The following CERKL variants were observed in gnomAD, a reference collection of about 807,000 sequenced individuals.
CERKL encodes CERK like autophagy regulator, also known as ceramide kinase-like protein.
A neutral mutation model predicts 63.4 loss-of-function variants in CERKL; 61 were observed. That is an observed-to-expected ratio of 0.96 (90% confidence interval 0.78 to 1.19). The LOEUF (loss-of-function observed/expected upper bound fraction) is 1.19, where lower values mean the gene tolerates loss of function less well. Ranked by LOEUF, CERKL falls within the 50% of genes most tolerant of loss-of-function variation. The pLI, the probability that CERKL is intolerant of heterozygous loss-of-function variation, is 0.00. For missense variants in CERKL, 675 were observed against 655.5 expected, an observed-to-expected ratio of 1.03 and a Z score of -0.33; for synonymous variants, 250 against 230.5, an observed-to-expected ratio of 1.08 and a Z score of -0.77.
rs1174454591 is a variant in CERKL, at chr2:181,641,302, CATAT to C, written c.238+15463_238+15466del. Among the ~76,000 whole-genome samples the C allele has an allele frequency of 3.3e-3, 316 of 97,048 alleles. 3 individuals carry two copies. Among genetic ancestry groups the C allele is most frequent in the African/African-American group, 0.01 (259 of 25,706 alleles). 63.7% of individuals were successfully genotyped at this position (97,048 alleles called of 152,430 possible). A position where few individuals can be genotyped will look rare whatever the true frequency, so the allele number is the denominator to read the frequency against. ...GTGTATATATGTATATATGTGTATG[CATAT>C]ATATATATATATATATATATATATA... On this transcript the variant is annotated intron_variant, in intron 1 of 12. Coordinates refer to ENST00000410087, the MANE Select transcript of CERKL (RefSeq NM_201548.5).
chr2:181,626,919 A>C (rs1417756899), intron 1 of CERKL, among the ~76,000 whole-genome samples: 2 of 152,248 alleles, frequency 1.3e-5, no homozygotes, highest in Non-Finnish European at 2.9e-5. Flanking sequence ...TATCTTCCCT[A>C]GCTTTCAACA....
intron 1 of CERKL, among the ~76,000 whole-genome samples, chr2:181,609,868 G>A (rs554972420): frequency 1.1e-4 from 17 of 152,186 alleles, no homozygotes; most frequent in South Asian, 4.2e-4. Context: ...GCATCTAAGC[G>A]CCGCTAGAAA....
rs139774352 is a variant in CERKL at position 181,589,596 on chromosome 2, T to C, written c.481+14241A>G. 6.6e-3 allele frequency among the ~76,000 whole-genome samples: 1,006 copies of C among 152,300 alleles called. 8 individuals carry two copies. Among genetic ancestry groups the C allele is most frequent in the African/African-American group, 0.023 (952 of 41,564 alleles). ...AAAGATGGACTTTTCAATAACTTGT[T>C]TTGGGACAACTGGGTAACAACTATT... On this transcript the variant is annotated intron_variant, in intron 2 of 12. Transcript: ENST00000410087.
intron 1 of CERKL, among the ~76,000 whole-genome samples, chr2:181,627,778 A>G (rs1168921797): frequency 6.6e-6 from 1 of 152,186 alleles, no homozygotes; most frequent in Non-Finnish European, 1.5e-5. Flanking sequence ...GGAACACTGC[A>G]TACATCACTG....
Position 181,537,009 on chromosome 2 carries a change from GTGAGGAATGTTC to G in CERKL, c.*1163_*1174del, listed in dbSNP as rs1305764436. On this transcript the variant is annotated 3_prime_UTR_variant, in exon 13 of 13. Transcript: ENST00000410087. ...ATCTGTTCACAGGCCTGCAGTGATG[GTGAGGAATGTTC>G]TGAGATTTGCGAAGGCATTTGAGTA... 2 of 447,878 alleles carry G rather than the reference GTGAGGAATGTTC, an allele frequency of 4.5e-6. No individual in the cohort carries two copies. The highest frequency in any genetic ancestry group is 2.0e-5 in the African/African-American group (1 of 49,718). The allele number at this position is 447,878 out of a possible 1,614,324, so 27.7% of individuals were successfully genotyped here.
chr2:181,540,998 C>A (rs1374470578), intron 11 of CERKL, among the ~76,000 whole-genome samples: 1 of 152,176 alleles, frequency 6.6e-6, no homozygotes, highest in East Asian at 1.9e-4. Flanking sequence ...AAACCATGGT[C>A]AAGCAACTAC....
chr2:181,567,886 T>C (rs1424361917), intron 3 of CERKL, among the ~76,000 whole-genome samples: 4 of 152,172 alleles, frequency 2.6e-5, no homozygotes, highest in African/African-American at 9.6e-5. Context: ...ACAGCCAGAT[T>C]CAAATCATCC....
chr2:181,632,767 G>A (rs908867164), intron 1 of CERKL, among the ~76,000 whole-genome samples: 1 of 152,152 alleles, frequency 6.6e-6, no homozygotes, highest in South Asian at 2.1e-4. Context: ...CTCCTCCAGG[G>A]CCTTGGATAG....
chr2:181,630,860 G>A (rs564648066), intron 1 of CERKL, among the ~76,000 whole-genome samples: 25 of 152,242 alleles, frequency 1.6e-4, no homozygotes, highest in African/African-American at 6.0e-4. Flanking sequence ...ACCTGTTGTC[G>A]TATTGCCATA....
chr2:181,541,081 C>T (rs1356699296), intron 11 of CERKL, among the ~76,000 whole-genome samples: 2 of 152,180 alleles, frequency 1.3e-5, no homozygotes, highest in African/African-American at 4.8e-5. Flanking sequence ...TTGAAATCCT[C>T]GCTCTGTATA....
intron 1 of CERKL, among the ~76,000 whole-genome samples, chr2:181,614,311 C>A (rs1354812029): frequency 2.6e-5 from 4 of 152,082 alleles, no homozygotes; most frequent in Admixed American, 2.6e-4. Flanking sequence ...ACCCCCACTG[C>A]AAAACATTTA....
chr2:181,573,145 T>G (rs1310149838), intron 3 of CERKL, among the ~76,000 whole-genome samples: 1 of 152,162 alleles, frequency 6.6e-6, no homozygotes, highest in Non-Finnish European at 1.5e-5. Context: ...CAAAGAAATG[T>G]GACTACCAAA....
At chr2:181,648,339 C>T (rs1363180330) in intron 1 of CERKL, among the ~76,000 whole-genome samples, 1 of 151,848 alleles carries the variant, frequency 6.6e-6, no homozygotes. Context: ...GATTTCTCAT[C>T]AGTAACATTA....
intron 2 of CERKL, among the ~76,000 whole-genome samples, chr2:181,589,797 G>A (rs963276470): frequency 1.3e-5 from 2 of 152,150 alleles, no homozygotes; most frequent in African/African-American, 4.8e-5. Flanking sequence ...AAGAAAAAGT[G>A]TGTAAATTTA....
At chr2:181,645,988 GTA>G (rs1359469676) in intron 1 of CERKL, among the ~76,000 whole-genome samples, 6 of 152,212 alleles carry the variant, frequency 3.9e-5, no homozygotes, top group African/African-American at 1.4e-4. Context: ...CAGGAAGTAT[GTA>G]GCAGATGGGA....
At chr2:181,554,461 T>C (rs954794569) in intron 5 of CERKL, among the ~76,000 whole-genome samples, 3 of 152,200 alleles carry the variant, frequency 2.0e-5, no homozygotes, top group African/African-American at 7.2e-5. Context: ...TCTATAGGAA[T>C]ATATGGTTCA....
chr2:181,602,342 G>A (rs1685491566), intron 2 of CERKL, among the ~76,000 whole-genome samples: 2 of 152,030 alleles, frequency 1.3e-5, no homozygotes, highest in Admixed American at 1.3e-4. Flanking sequence ...TGTATTCCTG[G>A]TCATGTTAAT....
chr2:181,560,298 T>C (rs1233430175), intron 4 of CERKL, among the ~76,000 whole-genome samples: 1 of 152,146 alleles, frequency 6.6e-6, no homozygotes, highest in Non-Finnish European at 1.5e-5. Context: ...ACCAAATAAC[T>C]TGACCCTTAC....
At position 181,537,887 on chromosome 2, in the gene CERKL, A is replaced by T. The variant is rs1252670768; in HGVS notation, c.*297T>A. ...ACACAGCAGGAGGTTAGAGCAATGG[A>T]GCATTACTGAGTTCCTCCCCCTGTC... On this transcript the variant is annotated 3_prime_UTR_variant, in exon 13 of 13. Coordinates refer to ENST00000410087, the MANE Select transcript of CERKL (RefSeq NM_201548.5). 5.5e-6 allele frequency: 3 copies of T among 548,370 alleles called. No individual in the cohort carries two copies. The highest frequency in any genetic ancestry group is 1.0e-5 in the Non-Finnish European group (3 of 287,828). 34.0% of individuals were successfully genotyped at this position (548,370 alleles called of 1,614,324 possible).
Sources: allele counts gnomAD v4.1 joint callset (sites outside exome capture counted in the v4.1 genomes callset), GRCh38; gene constraint gnomAD v4.1.1; transcripts MANE v1.5; gene names NCBI Gene and HGNC (gene_info 2026-07-23, HGNC 2026-07-21).